The following TSPAN8 variants were observed in gnomAD, a reference collection of about 807,000 sequenced individuals.
TSPAN8 encodes tetraspanin-8.
A neutral mutation model predicts 32.8 loss-of-function variants in TSPAN8; 21 were observed. That is an observed-to-expected ratio of 0.64 (90% CI 0.45 to 0.92). TSPAN8 has a LOEUF of 0.92. Among genes scored for constraint, TSPAN8 ranks in the 40% least tolerant of loss-of-function variants. TSPAN8 has a pLI of 0.00. For missense variants in TSPAN8, 269 were observed against 281.9 expected (o/e 0.95, Z 0.33); for synonymous variants, 95 against 94.6 (o/e 1.00, Z -0.03).
chr12:71,148,855 G>T (rs982327786), intron 2 of TSPAN8, among the ~76,000 whole-genome samples: 1 of 152,070 alleles, frequency 6.6e-6, no homozygotes, highest in South Asian at 2.1e-4. Flanking sequence ...ATCTCATCCC[G>T]TTGTTTTCCA....
At chr12:71,135,017 T>A (rs775640396) in intron 6 of TSPAN8, among the ~76,000 whole-genome samples, 20 of 152,178 alleles carry the variant, frequency 1.3e-4, no homozygotes, top group South Asian at 4.1e-4. Flanking sequence ...TCCATCAGTA[T>A]GTTAACAGGG....
Position 71,129,367 on chromosome 12 carries a change from T to C in TSPAN8, c.624A>G (p.Ile208Met), listed in dbSNP as rs1409810472. 1 of 1,585,926 alleles carries C rather than the reference T, an allele frequency of 6.3e-7. No individual in the cohort carries two copies. Among genetic ancestry groups the C allele is most frequent in the Non-Finnish European group, 8.6e-7 (1 of 1,167,122 alleles). Residue 208 changes from isoleucine to methionine, a missense_variant, in exon 8 of 9, where the codon ATA (isoleucine) becomes ATG (methionine). Transcript: ENST00000247829. ...CCAGTCCAAATGATATTCCAATAAC[T>C]ATAATCAAATTTTTTGCCAAGAAGT... ...IKDFLAKNLI[I>M]VIGISFGLAV...
chr12:71,134,185 T>C (rs1871608530), intron 6 of TSPAN8, among the ~76,000 whole-genome samples: 1 of 152,208 alleles, frequency 6.6e-6, no homozygotes. Context: ...AAAATCCATG[T>C]AAAGATAAGA....
At position 71,144,173 on chromosome 12, in the gene TSPAN8, C is replaced by T. The variant is rs372283008; in HGVS notation, c.101G>A (p.Arg34Gln). ...ILILALAIWV[R>Q]VSNDSQAIFG... ...TACTGCTTGAGAGTCATTGCTTACT[C>T]GTACCCATATTGCTAATGCTAGGAT... Residue 34 changes from arginine (R) to glutamine (Q), a missense_variant, in exon 3 of 9, where the codon CGA becomes CAA. Physicochemically the swap from Arg to Gln is conservative, Grantham distance 43 (BLOSUM62 1). Transcript: ENST00000247829. The T allele has an allele frequency of 3.5e-4, 561 of 1,611,848 alleles. 2 individuals carry two copies. The highest frequency in any genetic ancestry group is 1.7e-3 in the South Asian group (156 of 90,922).
At chr12:71,141,251 A>C (rs571604265) in intron 3 of TSPAN8, among the ~76,000 whole-genome samples, 1 of 152,318 alleles carries the variant, frequency 6.6e-6, no homozygotes, top group African/African-American at 2.4e-5. Flanking sequence ...CAATTTACGT[A>C]TTTTGAAAGC....
At chr12:71,151,708 T>C (rs1407236907) in intron 2 of TSPAN8, among the ~76,000 whole-genome samples, 2 of 152,236 alleles carry the variant, frequency 1.3e-5, no homozygotes, top group Non-Finnish European at 2.9e-5. Context: ...CAGGGCATTA[T>C]ATCAGGAAGT....
chr12:71,125,494 A>G (rs1871323856), intron 8 of TSPAN8, 107 bp from the exon 9 acceptor site: 1 of 909,144 alleles, frequency 1.1e-6, no homozygotes, highest in Non-Finnish European at 1.7e-6. Context: ...GTATATTGAC[A>G]GTTCCAATCT....
chr12:71,143,267 C>G (rs191243834), intron 3 of TSPAN8, among the ~76,000 whole-genome samples: 6 of 152,052 alleles, frequency 3.9e-5, no homozygotes, highest in African/African-American at 4.8e-5. Context: ...AATAAAAGCA[C>G]GGGAGCCAGG....
At chr12:71,150,513 T>C (rs1872218734) in intron 2 of TSPAN8, among the ~76,000 whole-genome samples, 1 of 152,198 alleles carries the variant, frequency 6.6e-6, no homozygotes, top group African/African-American at 2.4e-5. Context: ...CCTACTGATA[T>C]GTAATGTCAC....
In TSPAN8 at chr12:71,157,613, A is replaced by T; in HGVS notation, c.60+6T>A. 6.2e-6 allele frequency: 10 copies of T among 1,602,798 alleles called. No homozygotes were observed. The highest frequency in any genetic ancestry group is 8.5e-6 in the Non-Finnish European group (10 of 1,169,928). On this transcript the variant is annotated splice_donor_region_variant and intron_variant, in intron 2 of 8. Transcript: ENST00000247829. The stretch of plus-strand genomic sequence containing the variant: ...TAAAATTGATAATTAAAAGGAAAAC[A>T]CTTACCCAGAACAAGAAGTTGAAGG...
intron 2 of TSPAN8, among the ~76,000 whole-genome samples, chr12:71,151,266 T>C (rs1037514122): frequency 1.3e-5 from 2 of 152,124 alleles, no homozygotes; most frequent in Non-Finnish European, 2.9e-5. Flanking sequence ...GGTTTCACCG[T>C]GTTAGCCGGG....
intron 2 of TSPAN8, 63 bp downstream of exon 2, chr12:71,157,556 A>G (rs1164527520): frequency 6.1e-6 from 7 of 1,151,620 alleles, no homozygotes; most frequent in Non-Finnish European, 9.2e-6. Flanking sequence ...GTTCTTGTTT[A>G]TGATATTTAT....
chr12:71,143,383 C>T (rs1382394267), intron 3 of TSPAN8, among the ~76,000 whole-genome samples: 3 of 152,162 alleles, frequency 2.0e-5, no homozygotes, highest in Non-Finnish European at 1.5e-5. Context: ...GATACTGTGG[C>T]ATGGAACAGA....
rs35715058 is a variant in TSPAN8 at position 71,129,951 on chromosome 12, CT to C, written c.577-538del. Among the ~76,000 whole-genome samples, 1,295 of 140,102 alleles carry C rather than the reference CT, an allele frequency of 9.2e-3. 19 individuals carry two copies. The highest frequency in any genetic ancestry group is 0.028 in the African/African-American group (1,065 of 37,908). The allele number at this position is 140,102 out of a possible 152,430, so 91.9% of individuals were successfully genotyped here. Reference sequence around the variant, plus strand: ...AGGTATTTTCTTTTTTTCTTTCTTTCTTTTTTTTTTTTTTTCTTTGAGACAG... The same window carrying C: ...AGGTATTTTCTTTTTTTCTTTCTTTCTTTTTTTTTTTTTTCTTTGAGACAG... On this transcript the variant is annotated intron_variant, in intron 7 of 8. Coordinates refer to ENST00000247829, the MANE Select transcript of TSPAN8 (RefSeq NM_004616.3).
intron 2 of TSPAN8, among the ~76,000 whole-genome samples, chr12:71,152,243 CTCAG>C (rs779313034): frequency 7.2e-5 from 11 of 152,174 alleles, no homozygotes; most frequent in Admixed American, 2.6e-4. Context: ...GGATTGAAAT[CTCAG>C]TCAGTCTGTT....
At chr12:71,153,819 TG>T (rs1415821286) in intron 2 of TSPAN8, among the ~76,000 whole-genome samples, 2 of 152,212 alleles carry the variant, frequency 1.3e-5, no homozygotes, top group Non-Finnish European at 2.9e-5. Flanking sequence ...AAGTTATCAC[TG>T]GTTTTTATAA....
chr12:71,144,862 T>C (rs1422112342), intron 2 of TSPAN8, among the ~76,000 whole-genome samples: 3 of 152,058 alleles, frequency 2.0e-5, no homozygotes, highest in Non-Finnish European at 4.4e-5. Flanking sequence ...CCTTTAATGA[T>C]TTTACCAGAT....
At chr12:71,143,926 C>T (rs533879884) in intron 3 of TSPAN8, among the ~76,000 whole-genome samples, 2 of 152,208 alleles carry the variant, frequency 1.3e-5, no homozygotes, top group East Asian at 3.9e-4. Flanking sequence ...ATAACACCTC[C>T]TCCATTCTCT....
intron 2 of TSPAN8, among the ~76,000 whole-genome samples, chr12:71,149,217 A>T (rs1872167512): frequency 6.6e-6 from 1 of 152,016 alleles, no homozygotes; most frequent in Admixed American, 6.6e-5. Flanking sequence ...ATACCAAAAA[A>T]ATTAGCCGAG....
Sources: gnomAD v4.1 joint callset for allele counts (sites outside exome capture counted in the v4.1 genomes callset) on GRCh38, gnomAD v4.1.1 for gene constraint, MANE v1.5 for transcripts, NCBI Gene and HGNC (gene_info 2026-07-23, HGNC 2026-07-21) for gene names.